Variants in NUP98 observed in about 807,000 individuals in gnomAD.
NUP98 encodes nucleoporin 98 and 96 precursor.
A neutral mutation model predicts 191.9 loss-of-function variants in NUP98; 26 were observed. The ratio of observed to expected loss-of-function variants is 0.14; its 90% CI spans 0.10 to 0.19. NUP98 has a LOEUF of 0.19. Ranked by LOEUF, NUP98 falls within the 10% of genes least tolerant of loss-of-function variation. The probability of loss-of-function intolerance (pLI) is 1.00; values close to 1 mark genes in which losing one functional copy is unlikely to be tolerated. For synonymous variants in NUP98, 808 were observed against 778.4 expected (o/e 1.04, Z -0.63); for missense variants, 1,941 against 2,178.8 (o/e 0.89, Z 2.17).
rs750634705 is a variant in NUP98, at chr11:3,719,577, A to G, written c.2261-27T>C. On this transcript the variant is annotated intron_variant, in intron 17 of 32. Coordinates refer to ENST00000324932, the MANE Select transcript of NUP98 (RefSeq NM_016320.5). Reference sequence around the variant, plus strand: ...TATAAATCAGAGCAAATAGTTAAAAATTCATTCTGTATGAAGGCAAATACC... The same window carrying G: ...TATAAATCAGAGCAAATAGTTAAAAGTTCATTCTGTATGAAGGCAAATACC... 2.7e-6 allele frequency: 4 copies of G among 1,504,432 alleles called. No homozygotes were observed. In the South Asian group the frequency reaches 5.2e-5, roughly 20 times the overall value. The allele number at this position is 1,504,432 out of a possible 1,614,324, so 93.2% of individuals were successfully genotyped here.
intron 20 of NUP98, among the ~76,000 whole-genome samples, chr11:3,711,071 T>G (rs1299296352): frequency 6.6e-6 from 1 of 151,906 alleles, no homozygotes; most frequent in Admixed American, 6.6e-5. Flanking sequence ...CATGGCAAAA[T>G]CCCCTCTCTA....
intron 10 of NUP98, among the ~76,000 whole-genome samples, chr11:3,759,834 T>G (rs1365046740): frequency 6.6e-6 from 1 of 151,946 alleles, no homozygotes; most frequent in African/African-American, 2.4e-5. Flanking sequence ...TCTATTATTT[T>G]TCTTATTTTA....
chr11:3,751,456 C>T (rs1210704120), intron 11 of NUP98, among the ~76,000 whole-genome samples: 3 of 152,146 alleles, frequency 2.0e-5, no homozygotes, highest in African/African-American at 7.2e-5. Flanking sequence ...TGCACAGAAA[C>T]GGGTCTGACA....
chr11:3,765,801 CAAAAAAA>C (rs368424606), intron 8 of NUP98, among the ~76,000 whole-genome samples: 6 of 115,348 alleles, frequency 5.2e-5, no homozygotes, highest in Admixed American at 2.8e-4. Flanking sequence ...GACTCTGTCT[CAAAAAAA>C]AAAAAAAAAA....
At chr11:3,724,385 G>A (rs1298832919) in intron 15 of NUP98, among the ~76,000 whole-genome samples, 1 of 150,348 alleles carries the variant, frequency 6.7e-6, no homozygotes, top group Non-Finnish European at 1.5e-5. Flanking sequence ...ACAGTGGGCC[G>A]AGATCGTGCC....
At position 3,683,321 on chromosome 11, in the gene NUP98, G is replaced by T; in HGVS notation, c.4797C>A (p.Ile1599=). The part of the protein sequence containing the change: ...TQKLRVPAKW[I]HEAKAVRAHM... ...GTGCTCGCACAGCTTTGGCCTCGTG[G>T]ATCCATTTGGCAGGTACACGGAGCT... The change falls in exon 30 of 33, where the codon ATC becomes ATA. Residue 1599 remains isoleucine, a synonymous_variant. Coordinates refer to ENST00000324932, the MANE Select transcript of NUP98 (RefSeq NM_016320.5). 6.2e-7 allele frequency: 1 copy of T among 1,614,182 alleles called. No individual in the cohort carries two copies. The highest frequency in any genetic ancestry group is 8.5e-7 in the Non-Finnish European group (1 of 1,180,034).
intron 14 of NUP98, among the ~76,000 whole-genome samples, chr11:3,728,057 A>C (rs1211633093): frequency 6.6e-6 from 1 of 152,156 alleles, no homozygotes; most frequent in East Asian, 1.9e-4. Context: ...GTGTCGCAAG[A>C]GTAGTCTTCA....
At chr11:3,706,043 C>T (rs924881675) in intron 21 of NUP98, among the ~76,000 whole-genome samples, 3 of 151,252 alleles carry the variant, frequency 2.0e-5, no homozygotes, top group African/African-American at 7.3e-5. Flanking sequence ...GTGGTACACG[C>T]CTGTAATCTC....
intron 22 of NUP98, 148 bp downstream of exon 22, chr11:3,705,052 C>G: frequency 1.4e-6 from 1 of 733,678 alleles, no homozygotes; most frequent in Non-Finnish European, 2.2e-6. Context: ...CTTATAAGTA[C>G]AATTTCTCTT....
intron 4 of NUP98, among the ~76,000 whole-genome samples, chr11:3,778,124 A>G (rs1282582618): frequency 2.0e-5 from 3 of 147,666 alleles, no homozygotes; most frequent in Non-Finnish European, 3.0e-5. Flanking sequence ...GCATGAACCC[A>G]GGAGGCACAG....
intron 1 of NUP98, among the ~76,000 whole-genome samples, chr11:3,783,918 G>C (rs1056326131): frequency 1.3e-5 from 2 of 151,928 alleles, no homozygotes; most frequent in Non-Finnish European, 2.9e-5. Context: ...ATAAAAAATA[G>C]CTTCATAGTT....
chr11:3,692,892 A>G (rs1455877332), intron 27 of NUP98, among the ~76,000 whole-genome samples: 1 of 152,226 alleles, frequency 6.6e-6, no homozygotes, highest in African/African-American at 2.4e-5. Flanking sequence ...AAAACTGACA[A>G]GGAATATAAA....
intron 12 of NUP98, among the ~76,000 whole-genome samples, chr11:3,737,057 A>G (rs1338411399): frequency 6.6e-6 from 1 of 152,188 alleles, no homozygotes; most frequent in Non-Finnish European, 1.5e-5. Flanking sequence ...CATTAAGAAA[A>G]AAGCAAAACC....
At chr11:3,683,519 T>A in intron 29 of NUP98, 78 bp from the exon 30 acceptor site, 1 of 1,499,134 alleles carries the variant, frequency 6.7e-7, no homozygotes, top group Non-Finnish European at 9.0e-7. Context: ...AGAGTGGCCC[T>A]TGGGGCAGTC....
chr11:3,714,005 A>G lies in NUP98; in HGVS notation c.2400-10T>C. 2 of 1,613,412 alleles carry G rather than the reference A, an allele frequency of 1.2e-6. No individual in the cohort carries two copies. Among genetic ancestry groups the G allele is most frequent in the African/African-American group, 2.7e-5 (2 of 74,966 alleles). ...TGTAACTTCAGCCTTCCTGTAAAAC[A>G]TAACCAATTAAAGTAACCAATTAAA... On this transcript the variant is annotated splice_polypyrimidine_tract_variant and intron_variant, in intron 18 of 32. Coordinates refer to ENST00000324932, the MANE Select transcript of NUP98 (RefSeq NM_016320.5).
intron 12 of NUP98, among the ~76,000 whole-genome samples, chr11:3,738,078 G>T (rs895292334): frequency 8.0e-6 from 1 of 124,680 alleles, no homozygotes; most frequent in African/African-American, 2.9e-5. Flanking sequence ...CATTCTACCT[G>T]GGCGTTCTCA....
Position 3,775,856 on chromosome 11 carries a change from C to T in NUP98, c.495+26G>A, listed in dbSNP as rs778952570. The T allele has an allele frequency of 3.7e-6, 6 of 1,600,842 alleles. No individual in the cohort carries two copies. The East Asian group carries it at 1.3e-4, about 36-fold the overall frequency. Reference sequence around the variant, plus strand: ...AATATACATGCGGGAAAAAACATTCCACAAAGATTGGAAGAAAATACATAC... The same window carrying T: ...AATATACATGCGGGAAAAAACATTCTACAAAGATTGGAAGAAAATACATAC... On this transcript the variant is annotated intron_variant, in intron 5 of 32. Transcript: ENST00000324932.
intron 15 of NUP98, among the ~76,000 whole-genome samples, chr11:3,724,340 CAGG>C (rs2079527373): frequency 6.6e-6 from 1 of 151,004 alleles, no homozygotes; most frequent in Non-Finnish European, 1.5e-5. Flanking sequence ...GAGGCTGAGG[CAGG>C]AGAATTGCTT....
At chr11:3,774,651 A>AG (rs1212371701) in intron 5 of NUP98, among the ~76,000 whole-genome samples, 2 of 151,968 alleles carry the variant, frequency 1.3e-5, no homozygotes, top group Admixed American at 1.3e-4. Context: ...CAGGAGGCAG[A>AG]GGTTGCAGTG....
Sources: gnomAD v4.1 joint callset for allele counts (sites outside exome capture counted in the v4.1 genomes callset) on GRCh38, gnomAD v4.1.1 for gene constraint, MANE v1.5 for transcripts, NCBI Gene and HGNC (gene_info 2026-07-23, HGNC 2026-07-21) for gene names.